Variants in NOS2 observed in about 807,000 individuals in gnomAD.
NOS2 encodes nitric oxide synthase, inducible.
A neutral mutation model predicts 136.0 loss-of-function variants in NOS2; 96 were observed. The ratio of observed to expected loss-of-function variants is 0.71; its 90% CI spans 0.60 to 0.84. The LOEUF (loss-of-function observed/expected upper bound fraction) is 0.84, where lower values mean the gene tolerates loss of function less well. Among genes scored for constraint, NOS2 ranks in the 40% least tolerant of loss-of-function variants. The pLI, the probability that NOS2 is intolerant of heterozygous loss-of-function variation, is 0.00. For missense variants in NOS2, 1,237 were observed against 1,496.9 expected, an observed-to-expected ratio of 0.83 and a Z score of 2.87; for synonymous variants, 539 against 587.5, an observed-to-expected ratio of 0.92 and a Z score of 1.20.
chr17:27,768,053 CTTTG>C (rs1908365931), intron 17 of NOS2, among the ~76,000 whole-genome samples: 1 of 152,142 alleles, frequency 6.6e-6, no homozygotes, highest in African/African-American at 2.4e-5. Flanking sequence ...ATAAATATTG[CTTTG>C]TTTTTGTTTT....
At chr17:27,798,004 C>CAAGTGGCCTGTGTAA (rs1170340387) in intron 2 of NOS2, among the ~76,000 whole-genome samples, 2 of 152,144 alleles carry the variant, frequency 1.3e-5, no homozygotes, top group Non-Finnish European at 2.9e-5. Flanking sequence ...CAAAGTCTGT[C>CAAGTGGCCTGTGTAA]AAGTGGCCTG....
chr17:27,764,580 TC>T (rs1234638374), intron 20 of NOS2, among the ~76,000 whole-genome samples: 1 of 152,086 alleles, frequency 6.6e-6, no homozygotes, highest in Non-Finnish European at 1.5e-5. Context: ...CAAAGGGAAG[TC>T]CCAGGGAGCA....
At chr17:27,780,227 G>T (rs1184302666) in intron 9 of NOS2, among the ~76,000 whole-genome samples, 1 of 152,236 alleles carries the variant, frequency 6.6e-6, no homozygotes, top group African/African-American at 2.4e-5. Flanking sequence ...GAGTACAAAG[G>T]CTGTGAGTCA....
At position 27,798,740 on chromosome 17, in the gene NOS2, T is replaced by C. The variant is rs202010508; in HGVS notation, c.70A>G (p.Ile24Val). Residue 24 changes from isoleucine to valine, a missense_variant, in exon 2 of 27, where the codon ATC becomes GTC. Ile to Val is a conservative substitution (Grantham distance 29, BLOSUM62 3). Transcript: ENST00000313735. ...GGGGCTTTCTCCACATTGTTGTTGA[T>C]GTCTTTTTCCCCATTCATTGCATAC... ...HQYAMNGEKD[I>V]NNNVEKAPCA... 6.2e-7 allele frequency: 1 copy of C among 1,614,114 alleles called. No individual in the cohort carries two copies.
intron 26 of NOS2, among the ~76,000 whole-genome samples, chr17:27,758,394 G>C (rs1445233689): frequency 6.6e-6 from 1 of 152,186 alleles, no homozygotes; most frequent in Non-Finnish European, 1.5e-5. Context: ...TTGGCAAGCA[G>C]TATGCCCAGT....
chr17:27,792,997 G>C (rs1909240411), intron 2 of NOS2, among the ~76,000 whole-genome samples: 1 of 151,906 alleles, frequency 6.6e-6, no homozygotes, highest in African/African-American at 2.4e-5. Context: ...AAAGGGGTCG[G>C]GGGCGTGGGG....
At chr17:27,782,897 G>A in intron 6 of NOS2, 47 bp downstream of exon 6, 4 of 1,595,504 alleles carry the variant, frequency 2.5e-6, no homozygotes, top group Non-Finnish European at 3.4e-6. Context: ...TCTGCTCAGG[G>A]CCTGGCCGCC....
chr17:27,760,280 A>T (rs1280297891), intron 24 of NOS2, 102 bp from the exon 25 acceptor site: 3 of 1,226,722 alleles, frequency 2.4e-6, no homozygotes, highest in Non-Finnish European at 3.4e-6. Context: ...GCTATTTAAT[A>T]GCATTATCCC....
intron 22 of NOS2, among the ~76,000 whole-genome samples, chr17:27,762,494 C>T (rs28944191): frequency 1.2e-4 from 19 of 152,232 alleles, no homozygotes; most frequent in Non-Finnish European, 2.2e-4. Context: ...TTGGACTCAG[C>T]AGTTAGACTA....
intron 4 of NOS2, among the ~76,000 whole-genome samples, chr17:27,788,198 A>G (rs28942368): frequency 1.4e-5 from 2 of 144,662 alleles, no homozygotes; most frequent in South Asian, 4.6e-4. Context: ...ACACGCGTGC[A>G]CACACACACA....
In NOS2 at chr17:27,775,797, CT is replaced by C. The variant is rs550291426; in HGVS notation, c.1282-1347del. ...AGACCTTGTCTCCAAAAAAAAAGTT[CT>C]TACATCATGAGGTTGTTGAAAGGAT... On this transcript the variant is annotated intron_variant, in intron 11 of 26. Coordinates refer to ENST00000313735, the MANE Select transcript of NOS2 (RefSeq NM_000625.4). Among the ~76,000 whole-genome samples, 860 of 152,202 alleles carry C rather than the reference CT, an allele frequency of 5.7e-3. 8 individuals carry two copies. Among genetic ancestry groups the C allele is most frequent in the African/African-American group, 0.02 (822 of 41,528 alleles).
intron 5 of NOS2, among the ~76,000 whole-genome samples, chr17:27,783,470 T>A (rs947954988): frequency 3.9e-5 from 6 of 152,214 alleles, no homozygotes; most frequent in Non-Finnish European, 7.3e-5. Flanking sequence ...GCAATCCTTC[T>A]CAGACACTTG....
rs774745467 is a variant in NOS2 at position 27,781,079 on chromosome 17, T to C, written c.821A>G (p.Asp274Gly). 6.2e-7 allele frequency: 1 copy of C among 1,613,860 alleles called. No individual in the cohort carries two copies. The highest frequency in any genetic ancestry group is 1.1e-5 in the South Asian group (1 of 91,080). ...LIRYAGYQMP[D>G]GSIRGDPANV... Reference sequence around the variant, plus strand: ...GGCAGGGTCCCCTCTGATGCTGCCATCTGGCATCTGGTAGCCAGCATAGCG... The same window carrying C: ...GGCAGGGTCCCCTCTGATGCTGCCACCTGGCATCTGGTAGCCAGCATAGCG... The change falls in exon 8 of 27, where the codon GAT (aspartate) becomes GGT (glycine). Residue 274 changes from aspartate to glycine, a missense_variant. Coordinates refer to ENST00000313735, the MANE Select transcript of NOS2 (RefSeq NM_000625.4).
At chr17:27,766,667 A>G in intron 18 of NOS2, 79 bp from the exon 19 acceptor site, 1 of 1,125,092 alleles carries the variant, frequency 8.9e-7, no homozygotes. Flanking sequence ...TGTCTGAGTC[A>G]GTGACATCTG....
At chr17:27,761,400 G>A (rs899208030) in intron 22 of NOS2, among the ~76,000 whole-genome samples, 169 bp from the exon 23 acceptor site, 24 of 152,240 alleles carry the variant, frequency 1.6e-4, no homozygotes, top group African/African-American at 5.1e-4. Context: ...CTCTGTAAGC[G>A]CGGAGCTGAG....
At position 27,768,990 on chromosome 17, in the gene NOS2, AC is replaced by A; in HGVS notation, c.2020del (p.Val674CysfsTer29). 3 of 1,606,592 alleles carry A rather than the reference AC, an allele frequency of 1.9e-6. No homozygotes were observed. The highest frequency in any genetic ancestry group is 2.5e-6 in the Non-Finnish European group (3 of 1,176,510). On this transcript the variant is annotated frameshift_variant, in exon 17 of 27. Transcript: ENST00000313735. LOFTEE classifies it high-confidence loss of function. ...GQEDAFRSWA[V>X]QTFKAACETF... ...CTGGGAACTGACCTTGAAGGTTTGC[AC>A]GGCCCAGCTGCGGAAGGCGTCCTCC...
chr17:27,765,322 G>A (rs1329287841), intron 20 of NOS2, among the ~76,000 whole-genome samples: 2 of 152,220 alleles, frequency 1.3e-5, no homozygotes, highest in African/African-American at 2.4e-5. Flanking sequence ...CTGCATTGAG[G>A]GGGATGTTAT....
intron 23 of NOS2, 40 bp from the exon 24 acceptor site, chr17:27,760,784 C>A: frequency 5.9e-6 from 9 of 1,536,386 alleles, no homozygotes; most frequent in Non-Finnish European, 7.9e-6. Flanking sequence ...TCCTCAGACA[C>A]CCCAGGCCCA....
chr17:27,782,939 T>A lies in NOS2; in HGVS notation c.630+5A>T. ...TCTCTCCCGCTCAAGTCTAAGGAAGTTCACCTGCAGGTTGGACCACTGGAT... is the reference window on the plus strand; with the variant it reads ...TCTCTCCCGCTCAAGTCTAAGGAAGATCACCTGCAGGTTGGACCACTGGAT... On this transcript the variant is annotated splice_donor_5th_base_variant and intron_variant, in intron 6 of 26. Transcript: ENST00000313735. 6.2e-7 allele frequency: 1 copy of A among 1,613,872 alleles called. No homozygotes were observed. Among genetic ancestry groups the A allele is most frequent in the African/African-American group, 1.3e-5 (1 of 75,064 alleles).
Sources: gnomAD v4.1 joint callset for allele counts (sites outside exome capture counted in the v4.1 genomes callset) on GRCh38, gnomAD v4.1.1 for gene constraint, MANE v1.5 for transcripts, NCBI Gene and HGNC (gene_info 2026-07-23, HGNC 2026-07-21) for gene names.